The following SLIT3 variants were observed in gnomAD, a reference collection of about 807,000 sequenced individuals.
SLIT3 encodes slit homolog 3 protein.
In SLIT3, 68 loss-of-function variants were observed where a neutral mutation model predicts 184.0. The observed-to-expected ratio is 0.37, with a 90% CI of 0.30 to 0.45. The LOEUF (loss-of-function observed/expected upper bound fraction) is 0.45. SLIT3 is among the 20% of genes least tolerant of loss of function. The pLI, the probability that SLIT3 is intolerant of heterozygous loss-of-function variation, is 1.00. For synonymous variants in SLIT3, 831 were observed against 828.6 expected, an observed-to-expected ratio of 1.00 and a Z score of -0.05; for missense variants, 1,707 against 2,026.0, an observed-to-expected ratio of 0.84 and a Z score of 3.02.
chr5:168,962,538 T>A (rs1763050748), intron 4 of SLIT3, among the ~76,000 whole-genome samples: 1 of 151,470 alleles, frequency 6.6e-6, no homozygotes, highest in Non-Finnish European at 1.5e-5. Flanking sequence ...GGTCTTTGCT[T>A]AAGAAGTAGA....
At chr5:169,083,312 G>T (rs964794256) in intron 4 of SLIT3, among the ~76,000 whole-genome samples, 4 of 150,470 alleles carry the variant, frequency 2.7e-5, no homozygotes, top group Non-Finnish European at 5.9e-5. Context: ...CATACAAAAA[G>T]ACTCTAGGTT....
At chr5:168,818,792 T>C (rs1356978898) in intron 7 of SLIT3, among the ~76,000 whole-genome samples, 1 of 152,164 alleles carries the variant, frequency 6.6e-6, no homozygotes, top group Non-Finnish European at 1.5e-5. Context: ...TGCAGCTACC[T>C]CCTGCTGGAT....
At chr5:169,025,646 T>C (rs911972519) in intron 4 of SLIT3, among the ~76,000 whole-genome samples, 1 of 152,178 alleles carries the variant, frequency 6.6e-6, no homozygotes, top group Non-Finnish European at 1.5e-5. Context: ...ATTAACTCTC[T>C]TTTGTACAGA....
chr5:169,163,714 AT>A (rs1762548454), intron 4 of SLIT3, among the ~76,000 whole-genome samples: 1 of 152,180 alleles, frequency 6.6e-6, no homozygotes, highest in Non-Finnish European at 1.5e-5. Flanking sequence ...AAATCTGGAT[AT>A]TTTATCATTG....
chr5:168,817,392 C>T lies in SLIT3; in HGVS notation c.701G>A (p.Arg234Gln), dbSNP rs751355143. 1.5e-5 allele frequency: 25 copies of T among 1,614,038 alleles called. No individual in the cohort carries two copies. Among genetic ancestry groups the T allele is most frequent in the East Asian group, 8.9e-5 (4 of 44,888 alleles). ...AWLSDWLRQR[R>Q]TVGQFTLCMA... ...GCAGAGTGTGAACTGGCCAACTGTCCGTCGCTGTCGCAGCCAATCCGAGAG... is the reference window on the plus strand; with the variant it reads ...GCAGAGTGTGAACTGGCCAACTGTCTGTCGCTGTCGCAGCCAATCCGAGAG... The change falls in exon 8 of 36, where the codon CGG becomes CAG. Residue 234 changes from arginine (R) to glutamine (Q), a missense_variant. Arg to Gln is a conservative substitution (Grantham distance 43). Around this residue, in one of 3 missense-constraint regions of SLIT3, gnomAD observed 1,307 missense variants for 1,511.6 expected, o/e 0.86. Coordinates refer to ENST00000519560, the MANE Select transcript of SLIT3 (RefSeq NM_003062.4).
rs201467156 is a variant in SLIT3 at position 168,907,150 on chromosome 5, C to A, written c.414-23814G>T. Among the ~76,000 whole-genome samples the A allele has an allele frequency of 4.6e-5, 7 of 152,156 alleles. No homozygotes were observed. In the East Asian group the frequency reaches 1.2e-3, roughly 25 times the overall value. ...TGTAGGGATTACAGGCATGAACCAC[C>A]GCGCCCAGCTGGGATTTTTTTATAC... On this transcript the variant is annotated intron_variant, in intron 4 of 35. Transcript: ENST00000519560.
At chr5:169,001,017 G>C (rs1263208369) in intron 4 of SLIT3, among the ~76,000 whole-genome samples, 1 of 152,178 alleles carries the variant, frequency 6.6e-6, no homozygotes, top group Non-Finnish European at 1.5e-5. Context: ...TATTTGTTAG[G>C]AAAGTTGTGA....
intron 20 of SLIT3, among the ~76,000 whole-genome samples, chr5:168,726,447 G>A (rs1274496115): frequency 5.6e-5 from 1 of 17,974 alleles, no homozygotes; most frequent in Admixed American, 5.2e-4. Flanking sequence ...AGGCAGGGAG[G>A]GAGGGAGAGG....
At chr5:169,134,400 T>G (rs976767294) in intron 4 of SLIT3, among the ~76,000 whole-genome samples, 4 of 152,194 alleles carry the variant, frequency 2.6e-5, no homozygotes, top group African/African-American at 9.7e-5. Context: ...AAGGTCTTCA[T>G]GCTTGCTGCT....
intron 4 of SLIT3, among the ~76,000 whole-genome samples, chr5:168,911,749 C>T (rs1581203592): frequency 6.6e-6 from 1 of 152,294 alleles, no homozygotes; most frequent in East Asian, 1.9e-4. Flanking sequence ...GTCTGAGTCT[C>T]ATCATGTGTG....
intron 4 of SLIT3, among the ~76,000 whole-genome samples, chr5:169,055,535 C>A (rs1757966268): frequency 6.6e-6 from 1 of 152,078 alleles, no homozygotes. Context: ...GAGAGTTGGG[C>A]AAAGGTATGA....
At chr5:168,777,087 A>T (rs1755781374) in intron 12 of SLIT3, among the ~76,000 whole-genome samples, 1 of 69,672 alleles carries the variant, frequency 1.4e-5, no homozygotes, top group Non-Finnish European at 2.7e-5. Flanking sequence ...ACACACACAC[A>T]CACACACACA....
rs528799614 is a variant in SLIT3, at chr5:169,259,901, G to A, written c.198-8442C>T. Among the ~76,000 whole-genome samples, 183 of 152,210 alleles carry A rather than the reference G, an allele frequency of 1.2e-3. 1 individual carries two copies. Among genetic ancestry groups the A allele is most frequent in the African/African-American group, 4.1e-3 (171 of 41,518 alleles). ...GACTCAGGAGATTCTTAGAGAACAA[G>A]GCAAGAATTTGCAAAATGAAACGTT... On this transcript the variant is annotated intron_variant, in intron 1 of 35. Transcript: ENST00000519560.
chr5:168,753,828 C>T (rs1468409854), intron 17 of SLIT3, 36 bp downstream of exon 17: 2 of 1,600,186 alleles, frequency 1.2e-6, no homozygotes, highest in Non-Finnish European at 1.7e-6. Flanking sequence ...CCGTCTCCCT[C>T]TGGGTCTTGG....
chr5:168,750,480 A>G (rs542836892), intron 18 of SLIT3, among the ~76,000 whole-genome samples: 2 of 152,332 alleles, frequency 1.3e-5, no homozygotes, highest in Admixed American at 1.3e-4. Context: ...AGGATGATAC[A>G]GCAATGAAGG....
chr5:169,263,186 G>A (rs1463057437), intron 1 of SLIT3, among the ~76,000 whole-genome samples: 1 of 152,088 alleles, frequency 6.6e-6, no homozygotes, highest in Admixed American at 6.5e-5. Flanking sequence ...TTCTACAAAA[G>A]AGAAAACCAG....
At chr5:169,122,688 C>G (rs1048894092) in intron 4 of SLIT3, among the ~76,000 whole-genome samples, 5 of 152,164 alleles carry the variant, frequency 3.3e-5, no homozygotes, top group African/African-American at 1.2e-4. Flanking sequence ...TCACCACCTC[C>G]TAGAACAATG....
chr5:169,023,366 C>G (rs1437786348), intron 4 of SLIT3, among the ~76,000 whole-genome samples: 1 of 151,958 alleles, frequency 6.6e-6, no homozygotes, highest in Non-Finnish European at 1.5e-5. Flanking sequence ...TTTTTTAGGA[C>G]TGTATTCAAA....
chr5:169,142,322 G>A (rs948634029), intron 4 of SLIT3, among the ~76,000 whole-genome samples: 2 of 152,060 alleles, frequency 1.3e-5, no homozygotes, highest in Admixed American at 1.3e-4. Context: ...GTCACTCAAG[G>A]GTAAAAACAG....
Sources: allele counts gnomAD v4.1 joint callset (sites outside exome capture counted in the v4.1 genomes callset), GRCh38; gene constraint gnomAD v4.1.1; regional missense constraint gnomAD v4.1.1; transcripts MANE v1.5; gene names NCBI Gene and HGNC (gene_info 2026-07-23, HGNC 2026-07-21).